Variants in BCCIP observed in about 807,000 individuals in gnomAD.
The protein encoded by BCCIP is BRCA2 and CDKN1A-interacting protein.
Under a neutral mutation model 32.8 loss-of-function variants are expected in BCCIP, and 23 were observed. The observed-to-expected ratio is 0.70, with a 90% confidence interval of 0.51 to 0.99. The LOEUF (loss-of-function observed/expected upper bound fraction) is 0.99, where lower values mean the gene tolerates loss of function less well. Among genes scored for constraint, BCCIP ranks in the 50% least tolerant of loss-of-function variants. BCCIP has a pLI of 0.00. For missense variants in BCCIP, 378 were observed against 379.8 expected (o/e 1.00, Z 0.04); for synonymous variants, 144 against 137.6 (o/e 1.05, Z -0.33).
At chr10:125,827,675 G>C (rs1226938840) in intron 3 of BCCIP, 37 bp downstream of exon 3, 1 of 1,461,202 alleles carries the variant, frequency 6.8e-7, no homozygotes, top group African/African-American at 1.4e-5. Flanking sequence ...GATTAAATGA[G>C]TTCTTTATTC....
chr10:125,837,451 A>G (rs1447437395), downstream of BCCIP, among the ~76,000 whole-genome samples: 3 of 152,106 alleles, frequency 2.0e-5, no homozygotes, highest in African/African-American at 7.2e-5. Context: ...CTTTTTAGAC[A>G]GCGTCTTGGT....
chr10:125,838,296 G>A, downstream of BCCIP: 1 of 1,613,888 alleles, frequency 6.2e-7, no homozygotes, highest in Non-Finnish European at 8.5e-7. Flanking sequence ...CATCTTCTTG[G>A]TGATTGAGTA....
At chr10:125,824,385 G>C (rs1216309276) in intron 1 of BCCIP, among the ~76,000 whole-genome samples, 3 of 152,178 alleles carry the variant, frequency 2.0e-5, no homozygotes, top group Non-Finnish European at 4.4e-5. Flanking sequence ...TGATCCTTCA[G>C]CCTACTGAAT....
At chr10:125,827,083 C>T (rs917012940) in intron 2 of BCCIP, among the ~76,000 whole-genome samples, 1 of 149,940 alleles carries the variant, frequency 6.7e-6, no homozygotes, top group Non-Finnish European at 1.5e-5. Flanking sequence ...TCCACCTTGC[C>T]TGGAAGGAAG....
At chr10:125,838,287 ATCT>A (rs751051377), downstream of BCCIP, 2 of 1,613,962 alleles carry the variant, frequency 1.2e-6, no homozygotes, top group Non-Finnish European at 8.5e-7. Flanking sequence ...CCACTCTGGC[ATCT>A]TCTTGGTGAT....
intron 7 of BCCIP, among the ~76,000 whole-genome samples, chr10:125,850,304 A>C (rs1589708387): frequency 7.0e-6 from 1 of 143,350 alleles, no homozygotes; most frequent in South Asian, 2.3e-4. Flanking sequence ...TCCTCTTTTC[A>C]CCAGAGCCAT....
At chr10:125,852,002 C>T (rs78335973) in intron 7 of BCCIP, among the ~76,000 whole-genome samples, 5 of 151,958 alleles carry the variant, frequency 3.3e-5, no homozygotes, top group East Asian at 1.9e-4. Flanking sequence ...TTCACCCTTA[C>T]GCTTCCATAC....
rs1252450283 is a variant in BCCIP at position 125,836,206 on chromosome 10, G to GT, written c.878dup (p.Met294AspfsTer14). On this transcript the variant is annotated frameshift_variant, in exon 7 of 7. Coordinates refer to ENST00000278100, the MANE Select transcript of BCCIP (RefSeq NM_078468.3). LOFTEE classifies it high-confidence loss of function. ...CGTACCAATGACGCCCTTGCGAACT[G>GT]TGATGTTAATTCCAGGCGACAAGAT... The GT allele has an allele frequency of 6.2e-7, 1 of 1,614,202 alleles. No homozygotes were observed. The highest frequency in any genetic ancestry group is 1.7e-5 in the Admixed American group (1 of 60,024).
intron 6 of BCCIP, among the ~76,000 whole-genome samples, chr10:125,834,962 C>T (rs1455229744): frequency 6.7e-6 from 1 of 150,030 alleles, no homozygotes; most frequent in Non-Finnish European, 1.5e-5. Context: ...GAAACCCCGT[C>T]TCTACTAAAA....
rs188025357 is a variant in BCCIP at position 125,835,352 on chromosome 10, G to A, written c.775-752G>A. Among the ~76,000 whole-genome samples, 1,025 of 152,174 alleles carry A rather than the reference G, an allele frequency of 6.7e-3. 10 individuals are homozygous for A. The highest frequency in any genetic ancestry group is 0.022 in the African/African-American group (907 of 41,508). ...TCCCAGCACTTTGGGAGGCCAAGGC[G>A]GGCGGATCACGAGGTCAGGAGATCA... On this transcript the variant is annotated intron_variant, in intron 6 of 6. Transcript: ENST00000278100.
At chr10:125,838,871 C>T (rs531483113), downstream of BCCIP, 4 of 1,119,144 alleles carry the variant, frequency 3.6e-6, no homozygotes, top group South Asian at 6.3e-5. Flanking sequence ...AGTACCAAAT[C>T]TTTAATAATA....
At chr10:125,850,744 C>T (rs965521667) in intron 7 of BCCIP, among the ~76,000 whole-genome samples, 9 of 152,214 alleles carry the variant, frequency 5.9e-5, no homozygotes, top group African/African-American at 1.9e-4. Flanking sequence ...GTTCACTTTT[C>T]TTTTCATAAT....
At chr10:125,852,567 G>C (rs753837269) in intron 7 of BCCIP, 1 of 1,613,732 alleles carries the variant, frequency 6.2e-7, no homozygotes, top group Middle Eastern at 1.6e-4. Flanking sequence ...CCAAGAATCT[G>C]CTTGCGTATC....
chr10:125,833,669 C>A, intron 5 of BCCIP, 103 bp from the exon 6 acceptor site: 1 of 1,107,344 alleles, frequency 9.0e-7, no homozygotes. Context: ...TGCGTCACAG[C>A]AGAACCCACT....
At chr10:125,835,171 C>G (rs2134015520) in intron 6 of BCCIP, among the ~76,000 whole-genome samples, 2 of 151,918 alleles carry the variant, frequency 1.3e-5, no homozygotes, top group South Asian at 4.2e-4. Context: ...CTGAGGGGAA[C>G]ATATTTTCCT....
rs117525741 is a variant in BCCIP at position 125,832,273 on chromosome 10, A to G, written c.599+666A>G. Among the ~76,000 whole-genome samples the G allele has an allele frequency of 1.1e-3, 161 of 151,648 alleles. 4 individuals are homozygous for G. The East Asian group carries it at 0.03, about 28-fold the overall frequency. On this transcript the variant is annotated intron_variant, in intron 5 of 6. Transcript: ENST00000278100. ...CAGGCTGGTCTTGAACTCCTAGGCTAAAGTGATCTTCCTGCCTCGGCCTCC... is the reference window on the plus strand; with the variant it reads ...CAGGCTGGTCTTGAACTCCTAGGCTGAAGTGATCTTCCTGCCTCGGCCTCC...
chr10:125,827,537 A>G, intron 2 of BCCIP, 21 bp from the exon 3 acceptor site: 1 of 1,511,776 alleles, frequency 6.6e-7, no homozygotes, highest in South Asian at 1.2e-5. Context: ...TTAATTTAAA[A>G]TAATTTTTTC....
chr10:125,846,195 C>A (rs893842718), downstream of BCCIP, among the ~76,000 whole-genome samples: 1 of 152,210 alleles, frequency 6.6e-6, no homozygotes, highest in Non-Finnish European at 1.5e-5. Flanking sequence ...ACTGTTCTTA[C>A]AGCCAGGAAG....
downstream of BCCIP, chr10:125,840,863 C>A: frequency 6.3e-7 from 1 of 1,593,162 alleles, no homozygotes; most frequent in Non-Finnish European, 8.6e-7. Context: ...TGCTAGAATT[C>A]AGAGTTGTGT....
Sources: gnomAD v4.1 joint callset for allele counts (sites outside exome capture counted in the v4.1 genomes callset) on GRCh38, gnomAD v4.1.1 for gene constraint, MANE v1.5 for transcripts, NCBI Gene and HGNC (gene_info 2026-07-23, HGNC 2026-07-21) for gene names.